C8orf34: variants seen among roughly 807,000 people sequenced by gnomAD.
The protein encoded by C8orf34 is uncharacterized protein C8orf34.
A neutral mutation model predicts 68.3 loss-of-function variants in C8orf34; 65 were observed. The observed-to-expected ratio is 0.95, with a 90% CI of 0.78 to 1.17. The LOEUF (loss-of-function observed/expected upper bound fraction) is 1.17, where lower values mean the gene tolerates loss of function less well. Among genes scored for constraint, C8orf34 ranks in the 50% most tolerant of loss-of-function variants. The pLI, the probability that C8orf34 is intolerant of heterozygous loss-of-function variation, is 0.00. For missense variants in C8orf34, 664 were observed against 655.4 expected, an observed-to-expected ratio of 1.01 and a Z score of -0.14; for synonymous variants, 244 against 241.2, an observed-to-expected ratio of 1.01 and a Z score of -0.11.
rs536715150 is a variant in C8orf34 at position 68,627,102 on chromosome 8, C to T, written c.1106-13274C>T. 1.5e-3 allele frequency among the ~76,000 whole-genome samples: 223 copies of T among 152,200 alleles called. 1 individual carries two copies. The highest frequency in any genetic ancestry group is 5.2e-3 in the African/African-American group (217 of 41,526). ...TTACACATTTTTACCCATCATCTTA[C>T]AATAATCAATAATTTACATAATCCT... On this transcript the variant is annotated intron_variant, in intron 7 of 13. Coordinates refer to ENST00000518698, the MANE Select transcript of C8orf34 (RefSeq NM_052958.4).
chr8:68,673,167 G>T (rs182174360), intron 8 of C8orf34, among the ~76,000 whole-genome samples: 5 of 152,284 alleles, frequency 3.3e-5, no homozygotes, highest in Admixed American at 6.5e-5. Flanking sequence ...ACTCAGATAT[G>T]TGTGGGCTTC....
intron 1 of C8orf34, among the ~76,000 whole-genome samples, chr8:68,415,030 A>G (rs555098072): frequency 6.6e-6 from 1 of 152,256 alleles, no homozygotes; most frequent in African/African-American, 2.4e-5. Flanking sequence ...CCACAGTGTC[A>G]AAGTTCATTT....
At chr8:68,489,679 T>A (rs1197503047) in intron 5 of C8orf34, among the ~76,000 whole-genome samples, 1 of 152,200 alleles carries the variant, frequency 6.6e-6, no homozygotes, top group Non-Finnish European at 1.5e-5. Context: ...GTTTCAGATT[T>A]TGGAGCATTT....
At chr8:68,744,196 A>G (rs1822400530) in intron 10 of C8orf34, among the ~76,000 whole-genome samples, 1 of 152,134 alleles carries the variant, frequency 6.6e-6, no homozygotes, top group Non-Finnish European at 1.5e-5. Flanking sequence ...AGGAAAACTA[A>G]CAAACAGAAA....
In C8orf34 at chr8:68,793,610, A is replaced by G. The variant is rs1271186418; in HGVS notation, c.1549+6074A>G. On this transcript the variant is annotated intron_variant, in intron 12 of 13. Coordinates refer to ENST00000518698, the MANE Select transcript of C8orf34 (RefSeq NM_052958.4). The stretch of plus-strand genomic sequence containing the variant: ...GTTCTCACTTATAAGTGGGAGCTGA[A>G]TGATGAGAACACATGGACACATGCA... Among the ~76,000 whole-genome samples the G allele has an allele frequency of 3.9e-5, 6 of 152,334 alleles. No homozygotes were observed. The East Asian group carries it at 9.7e-4, about 25-fold the overall frequency.
intron 10 of C8orf34, among the ~76,000 whole-genome samples, chr8:68,766,981 C>T (rs1447440083): frequency 2.6e-5 from 4 of 152,088 alleles, no homozygotes; most frequent in Non-Finnish European, 5.9e-5. Context: ...GTCGGGAGTT[C>T]GAGACCAGCC....
chr8:68,491,921 T>C (rs1813329952), intron 5 of C8orf34, among the ~76,000 whole-genome samples: 3 of 152,142 alleles, frequency 2.0e-5, no homozygotes, highest in African/African-American at 2.4e-5. Flanking sequence ...TGCCACATAG[T>C]AGACATGATT....
In C8orf34 at chr8:68,451,163, A is replaced by C. The variant is rs142828966; in HGVS notation, c.607+4703A>C. On this transcript the variant is annotated intron_variant, in intron 3 of 13. Transcript: ENST00000518698. The stretch of plus-strand genomic sequence containing the variant: ...CTAGCTTTCAAATTTTCTTCTGCAG[A>C]TTCCTCAGCTTTCGTGGAATTGAGG... Among the ~76,000 whole-genome samples, 328 of 152,130 alleles carry C rather than the reference A, an allele frequency of 2.2e-3. 1 individual carries two copies. The highest frequency in any genetic ancestry group is 7.1e-3 in the African/African-American group (295 of 41,530).
At chr8:68,719,871 A>T (rs1265218947) in intron 9 of C8orf34, among the ~76,000 whole-genome samples, 1 of 151,998 alleles carries the variant, frequency 6.6e-6, no homozygotes, top group Non-Finnish European at 1.5e-5. Context: ...CAAGCAAAAC[A>T]AGAAACATAC....
chr8:68,470,419 T>C (rs539505623), intron 4 of C8orf34, among the ~76,000 whole-genome samples: 1 of 152,274 alleles, frequency 6.6e-6, no homozygotes, highest in African/African-American at 2.4e-5. Flanking sequence ...ATACTGTTTT[T>C]AATTTGTAAA....
intron 1 of C8orf34, among the ~76,000 whole-genome samples, chr8:68,412,623 A>G (rs1809491559): frequency 6.6e-6 from 1 of 152,120 alleles, no homozygotes; most frequent in Non-Finnish European, 1.5e-5. Flanking sequence ...ATACAGGTAG[A>G]TGACCTTTCC....
chr8:68,606,602 G>A (rs746462143), intron 7 of C8orf34, among the ~76,000 whole-genome samples: 1 of 152,076 alleles, frequency 6.6e-6, no homozygotes, highest in Non-Finnish European at 1.5e-5. Context: ...GATCTAGTGA[G>A]ATTAATGTCA....
intron 1 of C8orf34, among the ~76,000 whole-genome samples, chr8:68,353,934 T>C (rs1806631895): frequency 6.6e-6 from 1 of 151,918 alleles, no homozygotes; most frequent in South Asian, 2.1e-4. Context: ...GGGTTTGATA[T>C]TCAAGTGAGG....
intron 12 of C8orf34, among the ~76,000 whole-genome samples, chr8:68,804,890 T>C (rs1824438571): frequency 6.6e-6 from 1 of 152,228 alleles, no homozygotes; most frequent in Non-Finnish European, 1.5e-5. Context: ...TTTTACTCTC[T>C]TCCATTCCTT....
At chr8:68,610,478 C>T (rs953161887) in intron 7 of C8orf34, among the ~76,000 whole-genome samples, 1 of 152,050 alleles carries the variant, frequency 6.6e-6, no homozygotes, top group African/African-American at 2.4e-5. Flanking sequence ...TATATTAAGA[C>T]CTTAGAAATC....
chr8:68,497,706 G>T (rs936440417), intron 5 of C8orf34, among the ~76,000 whole-genome samples: 1 of 152,110 alleles, frequency 6.6e-6, no homozygotes, highest in Non-Finnish European at 1.5e-5. Context: ...TATGGATTAA[G>T]GAATGACCCC....
chr8:68,357,685 A>G (rs1806806866), intron 1 of C8orf34, among the ~76,000 whole-genome samples: 1 of 152,304 alleles, frequency 6.6e-6, no homozygotes, highest in South Asian at 2.1e-4. Context: ...TGTACAGTGG[A>G]GCGATTGAAG....
intron 12 of C8orf34, among the ~76,000 whole-genome samples, chr8:68,800,187 G>A (rs893536619): frequency 5.9e-5 from 9 of 152,196 alleles, no homozygotes; most frequent in African/African-American, 2.2e-4. Flanking sequence ...ATTTATATCT[G>A]TAGCTTTGGA....
chr8:68,331,452 A>G (rs1260718095), intron 1 of C8orf34, 113 bp downstream of exon 1: 2 of 1,212,832 alleles, frequency 1.6e-6, no homozygotes, highest in Non-Finnish European at 2.3e-6. Context: ...TAGAGAACCA[A>G]CGCGCGGGAG....
Sources: gnomAD v4.1 joint callset for allele counts (sites outside exome capture counted in the v4.1 genomes callset) on GRCh38, gnomAD v4.1.1 for gene constraint, MANE v1.5 for transcripts, NCBI Gene and HGNC (gene_info 2026-07-23, HGNC 2026-07-21) for gene names.